The following FBXL17 variants were observed in gnomAD, a reference collection of about 807,000 sequenced individuals.
The protein encoded by FBXL17 is F-box and leucine rich repeat protein 17.
A neutral mutation model predicts 66.2 loss-of-function variants in FBXL17; 22 were observed. The ratio of observed to expected loss-of-function variants is 0.33; its 90% CI spans 0.24 to 0.47. The LOEUF (loss-of-function observed/expected upper bound fraction) is 0.47. Ranked by LOEUF, FBXL17 falls within the 20% of genes least tolerant of loss-of-function variation. The pLI is 1.00. For missense variants in FBXL17, 878 were observed against 948.2 expected, an observed-to-expected ratio of 0.93 and a Z score of 0.97; for synonymous variants, 474 against 400.5, an observed-to-expected ratio of 1.18 and a Z score of -2.19.
At chr5:107,980,664 A>ATATATATATATATATATATATATT in intron 7 of FBXL17, among the ~76,000 whole-genome samples, 5 of 62,070 alleles carry the variant, frequency 8.1e-5, no homozygotes, top group South Asian at 6.1e-4. Context: ...ATATATATAT[A>ATATATATATATATATATATATATT]TTTTTTTTTT....
intron 6 of FBXL17, among the ~76,000 whole-genome samples, chr5:108,161,042 G>A (rs1031789322): frequency 6.6e-6 from 1 of 152,160 alleles, no homozygotes; most frequent in African/African-American, 2.4e-5. Flanking sequence ...GTTCCTGGAG[G>A]AGAGGTAGGG....
At chr5:108,244,021 T>G (rs1755980447) in intron 4 of FBXL17, among the ~76,000 whole-genome samples, 1 of 152,112 alleles carries the variant, frequency 6.6e-6, no homozygotes, top group African/African-American at 2.4e-5. Context: ...GCAATGTATT[T>G]AGACTTTCGA....
At chr5:108,091,244 CATAATAT>C (rs1303288557) in intron 6 of FBXL17, among the ~76,000 whole-genome samples, 1 of 152,200 alleles carries the variant, frequency 6.6e-6, no homozygotes, top group Non-Finnish European at 1.5e-5. Flanking sequence ...ATCCAAAGCA[CATAATAT>C]ATAAGTAATA....
intron 6 of FBXL17, among the ~76,000 whole-genome samples, chr5:108,044,542 A>G (rs1747177311): frequency 6.6e-6 from 1 of 152,126 alleles, no homozygotes; most frequent in African/African-American, 2.4e-5. Context: ...CCTGAATTCT[A>G]TTTGCTCACA....
intron 7 of FBXL17, among the ~76,000 whole-genome samples, chr5:107,980,757 T>C (rs13160118): frequency 0.78 from 110,216 of 141,624 alleles, 43,404 homozygotes; most frequent in East Asian, 0.93. Context: ...CCCGGGTTCA[T>C]GCCATTCTCC....
At chr5:107,996,076 T>G (rs1033192748) in intron 7 of FBXL17, among the ~76,000 whole-genome samples, 4 of 152,240 alleles carry the variant, frequency 2.6e-5, no homozygotes, top group Non-Finnish European at 1.5e-5. Context: ...CTCAACAACT[T>G]GGACCATGTC....
chr5:107,882,255 T>C (rs1748815647), intron 7 of FBXL17, among the ~76,000 whole-genome samples: 1 of 152,194 alleles, frequency 6.6e-6, no homozygotes, highest in African/African-American at 2.4e-5. Flanking sequence ...GTTGACTAGA[T>C]GGATAATTTA....
chr5:107,973,611 A>G (rs1752466039), intron 7 of FBXL17, among the ~76,000 whole-genome samples: 1 of 151,960 alleles, frequency 6.6e-6, no homozygotes, highest in African/African-American at 2.4e-5. Context: ...TTGAAATGTG[A>G]TTTATATAAT....
At chr5:107,893,620 G>A (rs1749274910) in intron 7 of FBXL17, among the ~76,000 whole-genome samples, 1 of 152,142 alleles carries the variant, frequency 6.6e-6, no homozygotes, top group South Asian at 2.1e-4. Context: ...ATTCCAGTGG[G>A]TTTGGGGATA....
At chr5:108,127,449 A>G (rs1268419616) in intron 6 of FBXL17, among the ~76,000 whole-genome samples, 3 of 152,194 alleles carry the variant, frequency 2.0e-5, no homozygotes, top group African/African-American at 7.2e-5. Flanking sequence ...CTCTTCTCTT[A>G]CTCATATAAA....
chr5:107,878,157 T>G, intron 8 of FBXL17: 1 of 785,154 alleles, frequency 1.3e-6, no homozygotes, highest in South Asian at 5.9e-5. Flanking sequence ...TACTGACATA[T>G]TTGTATAAAA....
intron 5 of FBXL17, among the ~76,000 whole-genome samples, chr5:108,197,432 C>G (rs1580597705): frequency 6.6e-6 from 1 of 152,132 alleles, no homozygotes; most frequent in Non-Finnish European, 1.5e-5. Context: ...AGAGACAGTT[C>G]ACAAAATTTC....
intron 6 of FBXL17, among the ~76,000 whole-genome samples, chr5:108,112,123 G>A (rs920782049): frequency 3.9e-5 from 6 of 152,186 alleles, no homozygotes; most frequent in Non-Finnish European, 5.9e-5. Flanking sequence ...AGAATATGCT[G>A]GGAAGAGTGC....
rs781142981 is a variant in FBXL17 at position 107,911,560 on chromosome 5, A to C, written c.1823-30381T>G. Among the ~76,000 whole-genome samples, 10 of 152,236 alleles carry C rather than the reference A, an allele frequency of 6.6e-5. No individual in the cohort carries two copies. The Middle Eastern group carries it at 0.014, about 207-fold the overall frequency. On this transcript the variant is annotated intron_variant, in intron 7 of 8. Transcript: ENST00000542267. Reference sequence around the variant, plus strand: ...AATCTATAAGGTAGATACTATTATTATTCTCATTTTATGGCTGAGGAAATG... The same window carrying C: ...AATCTATAAGGTAGATACTATTATTCTTCTCATTTTATGGCTGAGGAAATG...
At chr5:108,126,657 A>C (rs200765041) in intron 6 of FBXL17, among the ~76,000 whole-genome samples, 64,791 of 117,708 alleles carry the variant, frequency 0.55, 17,119 homozygotes, top group East Asian at 0.76. Context: ...CTCTCTATAT[A>C]TATATACATA....
At chr5:107,990,506 A>G (rs1055995248) in intron 7 of FBXL17, among the ~76,000 whole-genome samples, 3 of 152,118 alleles carry the variant, frequency 2.0e-5, no homozygotes, top group African/African-American at 7.2e-5. Context: ...AAACCGCATT[A>G]TTTTGGGCAG....
At chr5:107,893,495 T>G (rs1200474890) in intron 7 of FBXL17, among the ~76,000 whole-genome samples, 3 of 152,218 alleles carry the variant, frequency 2.0e-5, no homozygotes, top group Non-Finnish European at 2.9e-5. Context: ...TTGAAAAGTC[T>G]GTAAAAACAA....
chr5:108,115,909 G>A (rs577896161), intron 6 of FBXL17, among the ~76,000 whole-genome samples: 2 of 152,186 alleles, frequency 1.3e-5, no homozygotes, highest in Non-Finnish European at 2.9e-5. Flanking sequence ...AGATTAAAAT[G>A]AGCTTGTCCA....
intron 6 of FBXL17, among the ~76,000 whole-genome samples, chr5:108,055,986 C>T (rs929691233): frequency 1.3e-5 from 2 of 152,136 alleles, no homozygotes; most frequent in Non-Finnish European, 2.9e-5. Flanking sequence ...AATCACATAC[C>T]TTCCTGCCAC....
Sources: gnomAD v4.1 joint callset for allele counts (sites outside exome capture counted in the v4.1 genomes callset) on GRCh38, gnomAD v4.1.1 for gene constraint, MANE v1.5 for transcripts, NCBI Gene and HGNC (gene_info 2026-07-23, HGNC 2026-07-21) for gene names.